The following FAM227B variants were observed in gnomAD, a reference collection of about 807,000 sequenced individuals.
FAM227B encodes family with sequence similarity 227 member B, also known as protein FAM227B.
In FAM227B, 88 loss-of-function variants were observed where a neutral mutation model predicts 73.8. That is an observed-to-expected ratio of 1.19 (90% CI 1.00 to 1.42). The LOEUF (loss-of-function observed/expected upper bound fraction) is 1.42. Among genes scored for constraint, FAM227B ranks in the 40% most tolerant of loss-of-function variants. The pLI, the probability that FAM227B is intolerant of heterozygous loss-of-function variation, is 0.00. For synonymous variants in FAM227B, 210 were observed against 190.5 expected, an observed-to-expected ratio of 1.10 and a Z score of -0.84; for missense variants, 632 against 590.9, an observed-to-expected ratio of 1.07 and a Z score of -0.72.
chr15:49,335,043 C>T (rs925476216), intron 14 of FAM227B, among the ~76,000 whole-genome samples: 3 of 152,168 alleles, frequency 2.0e-5, no homozygotes, highest in African/African-American at 7.2e-5. Flanking sequence ...TGACACCAGC[C>T]CAGCTGCCAC....
chr15:49,361,017 T>C (rs1018537900), intron 13 of FAM227B, among the ~76,000 whole-genome samples: 12 of 152,080 alleles, frequency 7.9e-5, no homozygotes, highest in African/African-American at 2.9e-4. Flanking sequence ...AAATATTACC[T>C]GTGGGGTTGC....
chr15:49,486,049 T>C (rs1426871357), intron 11 of FAM227B: 1 of 152,032 alleles, frequency 6.6e-6, no homozygotes, highest in Non-Finnish European at 1.5e-5. Flanking sequence ...AGTCTTTCAT[T>C]GGCAGATCTT....
At chr15:49,456,544 T>C (rs1356996032) in intron 11 of FAM227B, among the ~76,000 whole-genome samples, 3 of 152,138 alleles carry the variant, frequency 2.0e-5, no homozygotes, top group African/African-American at 4.8e-5. Flanking sequence ...TGGATATATA[T>C]AAAAATAAGA....
intron 13 of FAM227B, among the ~76,000 whole-genome samples, chr15:49,337,948 A>G (rs1304781298): frequency 6.6e-6 from 1 of 152,218 alleles, no homozygotes. Context: ...TATTGTGAAC[A>G]CTGCCGCAAT....
At position 49,335,826 on chromosome 15, in the gene FAM227B, T is replaced by C. The variant is rs571301154; in HGVS notation, c.1272-330A>G. Among the ~76,000 whole-genome samples, 17 of 152,362 alleles carry C rather than the reference T, an allele frequency of 1.1e-4. No homozygotes were observed. In the East Asian group the frequency reaches 3.1e-3, roughly 28 times the overall value. On this transcript the variant is annotated intron_variant, in intron 13 of 15. Coordinates refer to ENST00000299338, the MANE Select transcript of FAM227B (RefSeq NM_152647.3). Reference sequence around the variant, plus strand: ...GTAAATATTAAAAATTACCAAAATATTAAAAATGTACCAAAATTCATTTTT... The same window carrying C: ...GTAAATATTAAAAATTACCAAAATACTAAAAATGTACCAAAATTCATTTTT...
At chr15:49,547,764 G>T (rs2072160561) in intron 9 of FAM227B, among the ~76,000 whole-genome samples, 1 of 152,106 alleles carries the variant, frequency 6.6e-6, no homozygotes, top group Admixed American at 6.5e-5. Flanking sequence ...CAGTCCAACA[G>T]GAAAATGTCA....
chr15:49,381,344 CT>C (rs1265585115), intron 11 of FAM227B, among the ~76,000 whole-genome samples: 3 of 152,152 alleles, frequency 2.0e-5, no homozygotes, highest in Admixed American at 6.5e-5. Context: ...AAAAGGCTTA[CT>C]ATATGCCTGG....
Position 49,384,559 on chromosome 15 carries a change from C to T in FAM227B, c.1013-13160G>A, listed in dbSNP as rs118173663. 1.7e-3 allele frequency among the ~76,000 whole-genome samples: 258 copies of T among 152,042 alleles called. 6 individuals are homozygous for T. The East Asian group carries it at 0.046, about 27-fold the overall frequency. On this transcript the variant is annotated intron_variant, in intron 11 of 15. Transcript: ENST00000299338. Reference sequence around the variant, plus strand: ...CAGCGATCCTCTTAGTTGTTGATCACTTGGGAATTTCAAGGAATTGGAAAA... The same window carrying T: ...CAGCGATCCTCTTAGTTGTTGATCATTTGGGAATTTCAAGGAATTGGAAAA...
rs2071558837 is a variant in FAM227B at position 49,544,626 on chromosome 15, A to C, written c.748-2820T>G. On this transcript the variant is annotated intron_variant, in intron 9 of 15. Transcript: ENST00000299338. ...CTTTCAACTTCTCCCCATTCAGTAT[A>C]ATGTTGGCTGTGTATTTGTCATAGA... Among the ~76,000 whole-genome samples, 2 of 152,092 alleles carry C rather than the reference A, an allele frequency of 1.3e-5. 1 individual carries two copies. The highest frequency in any genetic ancestry group is 4.1e-4 in the South Asian group (2 of 4,826).
intron 12 of FAM227B, among the ~76,000 whole-genome samples, chr15:49,370,923 G>A (rs2045761696): frequency 6.6e-6 from 1 of 152,296 alleles, no homozygotes; most frequent in South Asian, 2.1e-4. Flanking sequence ...TAAGAAGTAA[G>A]GACAGGTCAA....
At chr15:49,366,689 C>CTGGTGGG (rs1719895727) in intron 13 of FAM227B, 1 of 1,493,824 alleles carries the variant, frequency 6.7e-7, no homozygotes, top group South Asian at 1.1e-5. Context: ...CCCCATCGGA[C>CTGGTGGG]TGGTGGGTGG....
chr15:49,504,092 A>G (rs1470102908), intron 11 of FAM227B, among the ~76,000 whole-genome samples: 2 of 152,174 alleles, frequency 1.3e-5, no homozygotes, highest in African/African-American at 4.8e-5. Flanking sequence ...AATACTATGC[A>G]GCCATAAAAA....
chr15:49,422,143 A>AGT (rs1254224240), intron 11 of FAM227B, among the ~76,000 whole-genome samples: 29 of 139,548 alleles, frequency 2.1e-4, no homozygotes, highest in African/African-American at 6.1e-4. Context: ...AGAGAGAGAG[A>AGT]GAGTGTGTGT....
chr15:49,480,545 C>G (rs2055845047), intron 11 of FAM227B, among the ~76,000 whole-genome samples: 1 of 149,778 alleles, frequency 6.7e-6, no homozygotes, highest in Non-Finnish European at 1.5e-5. Flanking sequence ...GCAGTGGCGC[C>G]ATTTTGGCTC....
chr15:49,444,486 T>C (rs576213588), intron 11 of FAM227B, among the ~76,000 whole-genome samples: 1 of 151,760 alleles, frequency 6.6e-6, no homozygotes, highest in African/African-American at 2.4e-5. Context: ...AGAAATAACA[T>C]TGAAATTATC....
chr15:49,618,955 AG>A (rs780647175), intron 1 of FAM227B, among the ~76,000 whole-genome samples: 1 of 152,172 alleles, frequency 6.6e-6, no homozygotes, highest in African/African-American at 2.4e-5. Context: ...CGGCAGTTAA[AG>A]TGGGGGCCTT....
At chr15:49,525,004 T>A (rs189930633) in intron 10 of FAM227B, among the ~76,000 whole-genome samples, 1 of 152,318 alleles carries the variant, frequency 6.6e-6, no homozygotes, top group Non-Finnish European at 1.5e-5. Flanking sequence ...TTGCCTTGTC[T>A]CAGATGAGAC....
intron 2 of FAM227B, among the ~76,000 whole-genome samples, chr15:49,612,811 C>G (rs1247541898): frequency 6.6e-6 from 1 of 151,994 alleles, no homozygotes. Context: ...AAAATAATTA[C>G]ATATTTGAAT....
intron 9 of FAM227B, among the ~76,000 whole-genome samples, chr15:49,557,365 C>G (rs568308741): frequency 6.6e-6 from 1 of 152,086 alleles, no homozygotes; most frequent in East Asian, 1.9e-4. Flanking sequence ...GGGAAAAAAA[C>G]TTAATTCAGA....
Sources: allele counts gnomAD v4.1 joint callset (sites outside exome capture counted in the v4.1 genomes callset), GRCh38; gene constraint gnomAD v4.1.1; transcripts MANE v1.5; gene names NCBI Gene and HGNC (gene_info 2026-07-23, HGNC 2026-07-21).